Variants in DNM3 observed in about 807,000 individuals in gnomAD.
DNM3 encodes dynamin-3.
A neutral mutation model predicts 101.6 loss-of-function variants in DNM3; 47 were observed. The observed-to-expected ratio is 0.46, with a 90% confidence interval of 0.37 to 0.59. DNM3 has a LOEUF of 0.59. Ranked by LOEUF, DNM3 falls within the 20% of genes least tolerant of loss-of-function variation. The pLI, the probability that DNM3 is intolerant of heterozygous loss-of-function variation, is 0.00. For synonymous variants in DNM3, 385 were observed against 387.9 expected (o/e 0.99, Z 0.09); for missense variants, 849 against 1,085.7 (o/e 0.78, Z 3.06).
chr1:172,187,753 T>C (rs1486384939), intron 14 of DNM3, among the ~76,000 whole-genome samples: 5 of 152,028 alleles, frequency 3.3e-5, no homozygotes, highest in African/African-American at 1.2e-4. Flanking sequence ...GTTAAGAAAA[T>C]CACTTTTTCT....
intron 14 of DNM3, among the ~76,000 whole-genome samples, chr1:172,222,622 G>A (rs2148570311): frequency 6.6e-6 from 1 of 152,238 alleles, no homozygotes; most frequent in South Asian, 2.1e-4. Context: ...GAAAAAATTG[G>A]ATCCTGGTTT....
chr1:172,006,740 G>C (rs1254053678), intron 4 of DNM3, among the ~76,000 whole-genome samples: 1 of 152,042 alleles, frequency 6.6e-6, no homozygotes, highest in African/African-American at 2.4e-5. Context: ...TTTGACAAAT[G>C]TCAACCCATG....
At chr1:172,311,322 G>GTGTGTT (rs2065070145) in intron 16 of DNM3, 1 of 151,906 alleles carries the variant, frequency 6.6e-6, no homozygotes, top group South Asian at 2.1e-4. Flanking sequence ...ATGTGTGTGT[G>GTGTGTT]TGTGTGTGTG....
chr1:172,322,930 A>G (rs1471763666), intron 16 of DNM3, among the ~76,000 whole-genome samples: 1 of 152,028 alleles, frequency 6.6e-6, no homozygotes, highest in Non-Finnish European at 1.5e-5. Context: ...AGGAGCTGTC[A>G]GGAAAGGGCA....
intron 4 of DNM3, among the ~76,000 whole-genome samples, chr1:172,013,916 CTT>C (rs1224110196): frequency 1.3e-5 from 2 of 152,012 alleles, no homozygotes; most frequent in African/African-American, 4.8e-5. Context: ...AATTAATACA[CTT>C]TATTATTTTG....
At chr1:172,145,909 T>C (rs1446819048) in intron 14 of DNM3, among the ~76,000 whole-genome samples, 1 of 152,182 alleles carries the variant, frequency 6.6e-6, no homozygotes, top group African/African-American at 2.4e-5. Context: ...TGGCATCTAC[T>C]TTTCTTTCCC....
At chr1:172,044,177 A>T (rs927035024) in intron 8 of DNM3, among the ~76,000 whole-genome samples, 4 of 152,174 alleles carry the variant, frequency 2.6e-5, no homozygotes, top group African/African-American at 9.7e-5. Context: ...GTTAAAATCC[A>T]CTGCCCCCAA....
At chr1:171,966,115 C>T (rs937484871) in intron 2 of DNM3, among the ~76,000 whole-genome samples, 1 of 152,164 alleles carries the variant, frequency 6.6e-6, no homozygotes, top group African/African-American at 2.4e-5. Flanking sequence ...GTTGAAGTCC[C>T]CTTGCCCTCC....
chr1:172,412,956 T>C (rs563865296), downstream of DNM3, among the ~76,000 whole-genome samples: 104 of 152,280 alleles, frequency 6.8e-4, 1 homozygote, highest in South Asian at 0.011. Flanking sequence ...TTGATGTCAT[T>C]ATTGGAATCG....
At chr1:172,112,756 A>T (rs1004225681) in intron 13 of DNM3, among the ~76,000 whole-genome samples, 4 of 152,192 alleles carry the variant, frequency 2.6e-5, no homozygotes, top group African/African-American at 9.7e-5. Flanking sequence ...AATCATTCAC[A>T]TCATAAGGTT....
intron 2 of DNM3, among the ~76,000 whole-genome samples, chr1:171,969,720 G>A (rs1388307999): frequency 6.6e-6 from 1 of 152,086 alleles, no homozygotes; most frequent in Admixed American, 6.6e-5. Context: ...AGAGACCTTG[G>A]GGCTGCTTCT....
At chr1:172,337,012 C>T (rs866100946) in intron 17 of DNM3, among the ~76,000 whole-genome samples, 4 of 152,176 alleles carry the variant, frequency 2.6e-5, no homozygotes, top group South Asian at 2.1e-4. Context: ...TCCAATGTAT[C>T]GGCTATCATT....
At chr1:172,185,024 A>G (rs1466614247) in intron 14 of DNM3, among the ~76,000 whole-genome samples, 1 of 152,106 alleles carries the variant, frequency 6.6e-6, no homozygotes, top group Non-Finnish European at 1.5e-5. Flanking sequence ...TTTGGAAAAA[A>G]AAAGGGAGGC....
At position 172,308,822 on chromosome 1, in the gene DNM3, T is replaced by C. The variant is rs780068879; in HGVS notation, c.1864T>C (p.Tyr622His). The change falls in exon 16 of 21, where the codon TAT becomes CAT. Residue 622 changes from tyrosine to histidine, a missense_variant. By Grantham distance (83) the Tyr-to-His change is moderately conservative. Around this residue, in one of 5 missense-constraint regions of DNM3, gnomAD observed 5 missense variants for 23.4 expected, o/e 0.21. Coordinates refer to ENST00000627582, the MANE Select transcript of DNM3 (RefSeq NM_015569.5). ...GGCATCTCTACTAAGAGCTGGGGTC[T>C]ATCCTGACAAATCTGTAGTAAGTTG... Reference protein sequence around the residue: ...WKASLLRAGVYPDKSVGNNKA... With the variant: ...WKASLLRAGVHPDKSVGNNKA... 1 of 1,605,438 alleles carries C rather than the reference T, an allele frequency of 6.2e-7. No individual in the cohort carries two copies. Among genetic ancestry groups the C allele is most frequent in the East Asian group, 2.2e-5 (1 of 44,566 alleles).
chr1:171,847,879 ACTCTCTCTCT>A lies in DNM3; in HGVS notation c.161+6071_161+6080del, dbSNP rs141950487. Among the ~76,000 whole-genome samples the A allele has an allele frequency of 2.1e-3, 300 of 140,442 alleles. 2 individuals carry two copies. The highest frequency in any genetic ancestry group is 5.9e-3 in the African/African-American group (224 of 37,828). 92.1% of individuals were successfully genotyped at this position (140,442 alleles called of 152,430 possible). On this transcript the variant is annotated intron_variant, in intron 1 of 20. Coordinates refer to ENST00000627582, the MANE Select transcript of DNM3 (RefSeq NM_015569.5). ...AGGGTTCATTAATACCATATTAATT[ACTCTCTCTCT>A]CTCTCTCTGTGTGTGTGTGTGTGTG...
rs1183860799 is a variant in DNM3, at chr1:172,010,588, T to G, written c.589+21440T>G. Among the ~76,000 whole-genome samples, 4 of 150,808 alleles carry G rather than the reference T, an allele frequency of 2.7e-5. No homozygotes were observed. The South Asian group carries it at 6.3e-4, about 24-fold the overall frequency. On this transcript the variant is annotated intron_variant, in intron 4 of 20. Transcript: ENST00000627582. ...AGTATCTCTTTGTGTGTGTCTCTCT[T>G]TTTTCCCTCTCTGCTATTATGGCTA...
At chr1:171,918,756 TA>T (rs928516475) in intron 1 of DNM3, among the ~76,000 whole-genome samples, 7 of 152,120 alleles carry the variant, frequency 4.6e-5, no homozygotes, top group East Asian at 1.9e-4. Flanking sequence ...GTTTGCTTAA[TA>T]AAAAAAATGT....
At chr1:172,295,172 T>G (rs2064107044) in intron 15 of DNM3, among the ~76,000 whole-genome samples, 1 of 152,130 alleles carries the variant, frequency 6.6e-6, no homozygotes, top group Non-Finnish European at 1.5e-5. Context: ...CCTCTATGTT[T>G]CTTCACTACA....
intron 6 of DNM3, among the ~76,000 whole-genome samples, chr1:172,035,232 T>C (rs999962571): frequency 2.0e-5 from 3 of 152,242 alleles, no homozygotes; most frequent in African/African-American, 4.8e-5. Context: ...GAAGGGAAGA[T>C]CAAATACTTG....
Sources: allele counts gnomAD v4.1 joint callset (sites outside exome capture counted in the v4.1 genomes callset), GRCh38; gene constraint gnomAD v4.1.1; regional missense constraint gnomAD v4.1.1; transcripts MANE v1.5; gene names NCBI Gene and HGNC (gene_info 2026-07-23, HGNC 2026-07-21).